The following MTFR1 variants were observed in gnomAD, a reference collection of about 807,000 sequenced individuals.
MTFR1 encodes chondrocyte protein with a poly-proline region.
A neutral mutation model predicts 38.8 loss-of-function variants in MTFR1; 28 were observed. The observed-to-expected ratio is 0.72, with a 90% CI of 0.53 to 0.99. The LOEUF (loss-of-function observed/expected upper bound fraction) is 0.99. MTFR1 is among the 50% of genes least tolerant of loss of function. MTFR1 has a pLI of 0.00. For synonymous variants in MTFR1, 145 were observed against 137.0 expected (o/e 1.06, Z -0.41); for missense variants, 358 against 395.5 (o/e 0.91, Z 0.81).
chr8:65,674,339 C>T (rs759742505), intron 2 of MTFR1, among the ~76,000 whole-genome samples: 82 of 149,374 alleles, frequency 5.5e-4, no homozygotes, highest in Admixed American at 1.1e-3. Flanking sequence ...AAGGCTGGCA[C>T]GGTGGTTCAT....
At chr8:65,654,672 G>A (rs1218584780) in intron 1 of MTFR1, among the ~76,000 whole-genome samples, 1 of 152,010 alleles carries the variant, frequency 6.6e-6, no homozygotes, top group African/African-American at 2.4e-5. Flanking sequence ...CAAATTCCTG[G>A]GCTCAAGCGA....
At chr8:65,680,324 G>A (rs1027652372) in intron 2 of MTFR1, among the ~76,000 whole-genome samples, 5 of 151,956 alleles carry the variant, frequency 3.3e-5, no homozygotes, top group Non-Finnish European at 7.4e-5. Flanking sequence ...CACCACCCCT[G>A]GCTAAGTTTC....
At chr8:65,778,367 G>C in the MTFR1 span, among the ~76,000 whole-genome samples, 2 of 152,282 alleles carry the variant, frequency 1.3e-5, no homozygotes, top group South Asian at 2.1e-4. Flanking sequence ...ACACCTAAGA[G>C]TGCAGAAGCC....
chr8:65,767,447 C>T (rs562553260), intron 3 of MTFR1, among the ~76,000 whole-genome samples: 1 of 152,302 alleles, frequency 6.6e-6, no homozygotes, highest in South Asian at 2.1e-4. Context: ...AGGCTAACTC[C>T]TATATCCCTT....
At chr8:65,652,032 C>G (rs897149076) in intron 1 of MTFR1, among the ~76,000 whole-genome samples, 5 of 151,666 alleles carry the variant, frequency 3.3e-5, no homozygotes, top group African/African-American at 1.2e-4. Flanking sequence ...GATCACAGCT[C>G]ATGGGCTCAG....
chr8:65,661,033 A>G (rs556638416), intron 1 of MTFR1, among the ~76,000 whole-genome samples: 3 of 152,236 alleles, frequency 2.0e-5, no homozygotes, highest in Admixed American at 2.0e-4. Context: ...CTATGGAGAC[A>G]ATAAAAGGAT....
intron 4 of MTFR1, among the ~76,000 whole-genome samples, chr8:65,698,079 A>G (rs1057428140): frequency 3.3e-5 from 5 of 151,020 alleles, no homozygotes; most frequent in African/African-American, 1.2e-4. Context: ...GCCTAGCCCT[A>G]GATCCTGAGA....
intron 4 of MTFR1, among the ~76,000 whole-genome samples, chr8:65,703,435 T>TG (rs1805681196): frequency 6.2e-5 from 8 of 128,282 alleles, no homozygotes; most frequent in African/African-American, 1.9e-4. Flanking sequence ...TTTTTTTTTT[T>TG]TTTTTTTTTT....
rs73690896 is a variant in MTFR1, at chr8:65,655,418, G to T, written c.-81+10634G>T. ...AGGTCATGAGATTTATTCCCTTGTGGACTGAAAAAATGACATATGTCCGAT... is the reference window on the plus strand; with the variant it reads ...AGGTCATGAGATTTATTCCCTTGTGTACTGAAAAAATGACATATGTCCGAT... On this transcript the variant is annotated intron_variant, in intron 1 of 7. Coordinates refer to ENST00000262146, the MANE Select transcript of MTFR1 (RefSeq NM_014637.4). 8.5e-3 allele frequency among the ~76,000 whole-genome samples: 1,297 copies of T among 152,220 alleles called. 20 individuals are homozygous for T. Among genetic ancestry groups the T allele is most frequent in the African/African-American group, 0.03 (1,228 of 41,524 alleles).
chr8:65,695,470 C>T (rs1380341746), intron 4 of MTFR1, among the ~76,000 whole-genome samples: 1 of 152,090 alleles, frequency 6.6e-6, no homozygotes, highest in Admixed American at 6.5e-5. Context: ...AATTCTCCTG[C>T]CTCAGCCTTC....
intron 3 of MTFR1, among the ~76,000 whole-genome samples, chr8:65,751,031 C>A (rs1807928520): frequency 6.6e-6 from 1 of 152,140 alleles, no homozygotes; most frequent in African/African-American, 2.4e-5. Context: ...CCACCCTTAT[C>A]AATTACTGAT....
intron 3 of MTFR1, among the ~76,000 whole-genome samples, chr8:65,760,430 A>G (rs1270617548): frequency 1.3e-5 from 2 of 152,200 alleles, no homozygotes; most frequent in African/African-American, 4.8e-5. Context: ...AAATTTTTGT[A>G]CACAACCTAA....
At chr8:65,661,042 A>G (rs578060243) in intron 1 of MTFR1, among the ~76,000 whole-genome samples, 1 of 152,330 alleles carries the variant, frequency 6.6e-6, no homozygotes, top group East Asian at 1.9e-4. Context: ...CAATAAAAGG[A>G]TCAGAGATGC....
chr8:65,747,966 AT>A (rs954388025), intron 3 of MTFR1, among the ~76,000 whole-genome samples: 68 of 152,174 alleles, frequency 4.5e-4, no homozygotes, highest in African/African-American at 1.4e-3. Flanking sequence ...ATTTTATTTT[AT>A]TTTTTTAAGT....
At chr8:65,749,176 A>C (rs1807819786) in intron 3 of MTFR1, among the ~76,000 whole-genome samples, 1 of 152,220 alleles carries the variant, frequency 6.6e-6, no homozygotes, top group Non-Finnish European at 1.5e-5. Flanking sequence ...CTGATATTAT[A>C]ATTAGTTTTT....
At chr8:65,686,592 A>AC (rs1481450994) in intron 3 of MTFR1, among the ~76,000 whole-genome samples, 3 of 150,962 alleles carry the variant, frequency 2.0e-5, no homozygotes, top group Non-Finnish European at 4.4e-5. Context: ...AAAAAAAAAA[A>AC]AAAAAAAAGG....
At chr8:65,683,284 A>C (rs1359473480) in intron 3 of MTFR1, among the ~76,000 whole-genome samples, 1 of 151,758 alleles carries the variant, frequency 6.6e-6, no homozygotes, top group African/African-American at 2.4e-5. Flanking sequence ...GGTGCACACC[A>C]CCACGGCCAG....
At chr8:65,686,312 C>T (rs995223474) in intron 3 of MTFR1, among the ~76,000 whole-genome samples, 2 of 152,286 alleles carry the variant, frequency 1.3e-5, no homozygotes, top group East Asian at 1.9e-4. Context: ...TGGCTCGCAC[C>T]TGTAATCCCA....
intron 1 of MTFR1, among the ~76,000 whole-genome samples, chr8:65,651,459 A>G (rs1809121090): frequency 6.6e-6 from 1 of 152,196 alleles, no homozygotes; most frequent in South Asian, 2.1e-4. Context: ...TCTTTAATCC[A>G]TTTTGATTTG....
Sources: allele counts gnomAD v4.1 joint callset (sites outside exome capture counted in the v4.1 genomes callset), GRCh38; gene constraint gnomAD v4.1.1; transcripts MANE v1.5; gene names NCBI Gene and HGNC (gene_info 2026-07-23, HGNC 2026-07-21).